Variants in CLYBL observed in about 807,000 individuals in gnomAD.
CLYBL encodes the protein citramalyl-CoA lyase, mitochondrial.
A neutral mutation model predicts 38.9 loss-of-function variants in CLYBL; 31 were observed. The ratio of observed to expected loss-of-function variants is 0.80; its 90% CI spans 0.60 to 1.08. The LOEUF is 1.08. CLYBL is among the 50% of genes least tolerant of loss of function. CLYBL has a pLI of 0.00. For synonymous variants in CLYBL, 171 were observed against 158.6 expected (o/e 1.08, Z -0.59); for missense variants, 434 against 411.6 (o/e 1.05, Z -0.47).
At chr13:99,664,604 T>C (rs957755033) in intron 1 of CLYBL, among the ~76,000 whole-genome samples, 1 of 152,250 alleles carries the variant, frequency 6.6e-6, no homozygotes, top group Non-Finnish European at 1.5e-5. Context: ...AGGAAGATAT[T>C]ATTGTCCTGG....
intron 1 of CLYBL, among the ~76,000 whole-genome samples, chr13:99,676,684 C>T (rs2047658107): frequency 1.3e-5 from 2 of 152,088 alleles, no homozygotes; most frequent in Non-Finnish European, 2.9e-5. Context: ...ACCTGCACCT[C>T]CCAGGTTCAA....
intron 2 of CLYBL, among the ~76,000 whole-genome samples, chr13:99,781,452 A>G (rs1028264080): frequency 1.1e-4 from 16 of 150,150 alleles, no homozygotes; most frequent in South Asian, 4.3e-4. Flanking sequence ...TTACAGGCAT[A>G]AGCCACTGCA....
rs201598435 is a variant in CLYBL at position 99,854,463 on chromosome 13, G to GA, written c.250-4396dup. ...AGAATTGATGCCGCTCTAATCCCTG[G>GA]AAGTTTGGAACTAATGAACTGACTG... On this transcript the variant is annotated intron_variant, in intron 2 of 8. Coordinates refer to ENST00000339105, the MANE Select transcript of CLYBL (RefSeq NM_206808.5). 9.9e-5 allele frequency among the ~76,000 whole-genome samples: 15 copies of GA among 151,508 alleles called. No individual in the cohort carries two copies. In the East Asian group the frequency reaches 2.9e-3, roughly 29 times the overall value.
chr13:99,778,701 T>C (rs576229247), intron 2 of CLYBL, among the ~76,000 whole-genome samples: 3 of 152,258 alleles, frequency 2.0e-5, no homozygotes, highest in Admixed American at 1.3e-4. Context: ...CTTTTCATTG[T>C]TAAATGCATG....
At chr13:99,755,064 ATTGT>A (rs944902753) in intron 1 of CLYBL, among the ~76,000 whole-genome samples, 2 of 146,462 alleles carry the variant, frequency 1.4e-5, no homozygotes, top group African/African-American at 2.5e-5. Flanking sequence ...CGCCCGGCTA[ATTGT>A]TTGTATTTTT....
chr13:99,653,703 T>C (rs1041345075), intron 1 of CLYBL, among the ~76,000 whole-genome samples: 2 of 152,178 alleles, frequency 1.3e-5, no homozygotes, highest in Admixed American at 1.3e-4. Flanking sequence ...TTATTAACCT[T>C]CTCCTCCACT....
At chr13:99,656,343 T>C (rs1244156833) in intron 1 of CLYBL, among the ~76,000 whole-genome samples, 1 of 152,130 alleles carries the variant, frequency 6.6e-6, no homozygotes, top group Non-Finnish European at 1.5e-5. Context: ...TCCACGGCAC[T>C]TTCCACTTTG....
At chr13:99,834,252 CCAG>C (rs2050885133) in intron 2 of CLYBL, among the ~76,000 whole-genome samples, 1 of 152,108 alleles carries the variant, frequency 6.6e-6, no homozygotes, top group African/African-American at 2.4e-5. Flanking sequence ...AGGTGCCAAG[CCAG>C]TGTCAAGCAG....
chr13:99,832,753 T>C (rs1215877248), intron 2 of CLYBL, among the ~76,000 whole-genome samples: 1 of 150,162 alleles, frequency 6.7e-6, no homozygotes, highest in Non-Finnish European at 1.5e-5. Context: ...TGTCACAGAG[T>C]GGGAGGAAAA....
At chr13:99,843,191 A>C (rs2051125436) in intron 2 of CLYBL, among the ~76,000 whole-genome samples, 1 of 152,138 alleles carries the variant, frequency 6.6e-6, no homozygotes, top group Admixed American at 6.5e-5. Flanking sequence ...GTGAGCAGGT[A>C]ATTTGGCCTG....
intron 1 of CLYBL, among the ~76,000 whole-genome samples, chr13:99,621,233 C>T (rs1231900972): frequency 2.0e-5 from 3 of 152,168 alleles, no homozygotes; most frequent in Non-Finnish European, 4.4e-5. Flanking sequence ...AATTACCTGC[C>T]GCTAAAGTCC....
chr13:99,901,982 C>T (rs1214619464), downstream of CLYBL, among the ~76,000 whole-genome samples: 3 of 152,154 alleles, frequency 2.0e-5, no homozygotes, highest in Non-Finnish European at 4.4e-5. Context: ...GCAAAGCCAA[C>T]ATTCAGCTTT....
chr13:99,714,381 C>A (rs552578934), intron 1 of CLYBL, among the ~76,000 whole-genome samples: 1 of 152,258 alleles, frequency 6.6e-6, no homozygotes, highest in East Asian at 1.9e-4. Context: ...CTTTGGGAGG[C>A]CGAGGTGGGC....
chr13:99,665,642 T>C (rs1566603385), intron 1 of CLYBL, among the ~76,000 whole-genome samples: 1 of 151,694 alleles, frequency 6.6e-6, no homozygotes, highest in Admixed American at 6.6e-5. Context: ...TGAAAAGCAG[T>C]CTATTTGGAA....
chr13:99,699,152 G>A (rs556578815), intron 1 of CLYBL, among the ~76,000 whole-genome samples: 2 of 152,064 alleles, frequency 1.3e-5, no homozygotes, highest in African/African-American at 4.8e-5. Flanking sequence ...TTAGGAGGCC[G>A]AGGTGAGCGG....
At chr13:99,635,185 G>A (rs7330589) in intron 1 of CLYBL, among the ~76,000 whole-genome samples, 4,292 of 152,000 alleles carry the variant, frequency 0.028, 205 homozygotes, top group African/African-American at 0.097. Flanking sequence ...ATGACCCCAG[G>A]TACGTTTCAT....
intron 2 of CLYBL, among the ~76,000 whole-genome samples, chr13:99,827,502 G>A (rs1236258806): frequency 6.6e-6 from 1 of 152,048 alleles, no homozygotes; most frequent in Non-Finnish European, 1.5e-5. Flanking sequence ...CATCATCCCC[G>A]CTGCAGAAAG....
rs538662365 is a variant in CLYBL, at chr13:99,648,938, TAACCC to T, written c.62+42183_62+42187del. Among the ~76,000 whole-genome samples the T allele has an allele frequency of 7.5e-3, 1,137 of 152,246 alleles. 14 individuals are homozygous for T. The highest frequency in any genetic ancestry group is 0.026 in the African/African-American group (1,068 of 41,530). ...TATTTTTATATTTCATTCATACATT[TAACCC>T]ATCCCCAAAATTTTCTTAAAAAACT... On this transcript the variant is annotated intron_variant, in intron 1 of 8. Transcript: ENST00000339105.
chr13:99,884,468 G>A (rs543279609), intron 7 of CLYBL, among the ~76,000 whole-genome samples: 222 of 152,156 alleles, frequency 1.5e-3, no homozygotes, highest in Non-Finnish European at 1.5e-3. Context: ...TAAACATCAC[G>A]TCCCACAGGA....
Sources: gnomAD v4.1 joint callset for allele counts (sites outside exome capture counted in the v4.1 genomes callset) on GRCh38, gnomAD v4.1.1 for gene constraint, MANE v1.5 for transcripts, NCBI Gene and HGNC (gene_info 2026-07-23, HGNC 2026-07-21) for gene names.